RBFOX1: variants seen among roughly 807,000 people sequenced by gnomAD.
RBFOX1 encodes the protein RNA binding protein fox-1 homolog 1.
In RBFOX1, 8 loss-of-function variants were observed where a neutral mutation model predicts 57.7. The observed-to-expected ratio is 0.14, with a 90% CI of 0.08 to 0.25. The LOEUF is 0.25. Among genes scored for constraint, RBFOX1 ranks in the 10% least tolerant of loss-of-function variants. The pLI is 1.00. For synonymous variants in RBFOX1, 326 were observed against 222.4 expected (o/e 1.47, Z -4.15); for missense variants, 611 against 548.5 (o/e 1.11, Z -1.14).
intron 2 of RBFOX1, among the ~76,000 whole-genome samples, chr16:5,497,367 C>G (rs2151687082): frequency 6.6e-6 from 1 of 152,102 alleles, no homozygotes; most frequent in African/African-American, 2.4e-5. Flanking sequence ...AGGCCTCACA[C>G]AACAGATGCA....
At chr16:5,554,770 C>G (rs1045552973) in intron 2 of RBFOX1, among the ~76,000 whole-genome samples, 1 of 152,182 alleles carries the variant, frequency 6.6e-6, no homozygotes, top group African/African-American at 2.4e-5. Flanking sequence ...GGAATGAATG[C>G]TTGACACTGG....
chr16:7,080,556 C>G (rs1467384006), intron 4 of RBFOX1, among the ~76,000 whole-genome samples: 3 of 152,184 alleles, frequency 2.0e-5, no homozygotes, highest in African/African-American at 4.8e-5. Flanking sequence ...CTTAAGCTCT[C>G]TGACCTGTTC....
chr16:6,507,507 CAAAAAA>C (rs57685233), intron 2 of RBFOX1, among the ~76,000 whole-genome samples: 1 of 97,208 alleles, frequency 1.0e-5, no homozygotes, highest in African/African-American at 4.0e-5. Flanking sequence ...CCTATCTGTA[CAAAAAA>C]AAAAAAAAAA....
chr16:5,633,562 A>G (rs8048754), intron 3 of RBFOX1, among the ~76,000 whole-genome samples: 132,247 of 152,136 alleles, frequency 0.87, 58,063 homozygotes, highest in African/African-American at 0.92. Context: ...CAAGAATAAA[A>G]GAAATAATCC....
intron 4 of RBFOX1, among the ~76,000 whole-genome samples, chr16:7,137,559 C>G (rs192520464): frequency 6.6e-6 from 1 of 152,276 alleles, no homozygotes; most frequent in East Asian, 1.9e-4. Flanking sequence ...AACTGTGAGT[C>G]CATTAAACCT....
chr16:7,000,136 A>G (rs1364496816), intron 3 of RBFOX1, among the ~76,000 whole-genome samples: 4 of 151,982 alleles, frequency 2.6e-5, no homozygotes, highest in Non-Finnish European at 5.9e-5. Flanking sequence ...TAAAGTTTTC[A>G]GTACTTACAA....
chr16:7,456,965 A>G (rs1165058198), intron 4 of RBFOX1, among the ~76,000 whole-genome samples: 6 of 151,534 alleles, frequency 4.0e-5, no homozygotes, highest in African/African-American at 1.5e-4. Flanking sequence ...ATCCCGGCTC[A>G]CTGCAACCTC....
At chr16:5,507,363 C>G (rs945181762) in intron 2 of RBFOX1, among the ~76,000 whole-genome samples, 3 of 152,076 alleles carry the variant, frequency 2.0e-5, no homozygotes, top group African/African-American at 7.2e-5. Flanking sequence ...GAGGGATTGT[C>G]TTGGCTTTGT....
At chr16:6,602,129 T>C (rs1251721171) in intron 2 of RBFOX1, among the ~76,000 whole-genome samples, 1 of 152,112 alleles carries the variant, frequency 6.6e-6, no homozygotes, top group Non-Finnish European at 1.5e-5. Flanking sequence ...TTTGGAGAAA[T>C]GTTTGTTCAA....
intron 1 of RBFOX1, among the ~76,000 whole-genome samples, chr16:6,307,930 CAT>C (rs1198474133): frequency 2.0e-5 from 3 of 146,908 alleles, no homozygotes; most frequent in Non-Finnish European, 3.0e-5. Context: ...AAATTATAAT[CAT>C]ATATTCATTT....
At chr16:5,544,086 GCCCACCA>G (rs2045082766) in intron 2 of RBFOX1, among the ~76,000 whole-genome samples, 1 of 152,192 alleles carries the variant, frequency 6.6e-6, no homozygotes, top group Admixed American at 6.5e-5. Flanking sequence ...AGCTTACAGA[GCCCACCA>G]CCCAACAACA....
chr16:7,212,581 A>G (rs996291647), intron 4 of RBFOX1, among the ~76,000 whole-genome samples: 1 of 152,178 alleles, frequency 6.6e-6, no homozygotes, highest in East Asian at 1.9e-4. Flanking sequence ...GTAGTCTCAC[A>G]TCCCTTGAAG....
chr16:6,278,200 C>A (rs932362389), intron 1 of RBFOX1, among the ~76,000 whole-genome samples: 1 of 152,012 alleles, frequency 6.6e-6, no homozygotes, highest in Non-Finnish European at 1.5e-5. Context: ...CACGTTGCCC[C>A]TTTCGGCTCA....
At chr16:6,566,558 G>A (rs2097269144) in intron 2 of RBFOX1, among the ~76,000 whole-genome samples, 1 of 152,034 alleles carries the variant, frequency 6.6e-6, no homozygotes, top group South Asian at 2.1e-4. Flanking sequence ...TTGACTATTT[G>A]TCGAGACCTT....
intron 4 of RBFOX1, among the ~76,000 whole-genome samples, chr16:7,136,155 C>G (rs1302120437): frequency 6.6e-6 from 1 of 152,150 alleles, no homozygotes; most frequent in Non-Finnish European, 1.5e-5. Flanking sequence ...ATGGAAAGAC[C>G]TCAAGATTCG....
chr16:5,765,231 T>G (rs7204687), intron 3 of RBFOX1, among the ~76,000 whole-genome samples: 75,797 of 151,926 alleles, frequency 0.5, 20,117 homozygotes, highest in African/African-American at 0.67. Flanking sequence ...GATCACTGGA[T>G]CCCAAACCCA....
intron 1 of RBFOX1, among the ~76,000 whole-genome samples, chr16:6,035,761 A>G (rs1490579270): frequency 1.3e-5 from 2 of 152,158 alleles, no homozygotes; most frequent in African/African-American, 4.8e-5. Context: ...TGGAATTACT[A>G]TGTGAAATGA....
chr16:5,578,616 C>T (rs925865721), intron 2 of RBFOX1, among the ~76,000 whole-genome samples: 2 of 152,188 alleles, frequency 1.3e-5, no homozygotes, highest in African/African-American at 2.4e-5. Flanking sequence ...AAAAGCCTGC[C>T]TTGTTGTTCT....
At chr16:7,084,168 A>G (rs1001172307) in intron 4 of RBFOX1, among the ~76,000 whole-genome samples, 1 of 152,218 alleles carries the variant, frequency 6.6e-6, no homozygotes, top group Non-Finnish European at 1.5e-5. Context: ...ACAGGAGAGC[A>G]TGATTCAGGT....
Sources: allele counts gnomAD v4.1 joint callset (sites outside exome capture counted in the v4.1 genomes callset), GRCh38; gene constraint gnomAD v4.1.1; transcripts MANE v1.5; gene names NCBI Gene and HGNC (gene_info 2026-07-23, HGNC 2026-07-21).